Variants in TBC1D14 observed in about 807,000 individuals in gnomAD.
The protein encoded by TBC1D14 is TBC1 domain family member 14.
In TBC1D14, 26 loss-of-function variants were observed where a neutral mutation model predicts 79.0. That is an observed-to-expected ratio of 0.33 (90% confidence interval 0.24 to 0.46). The LOEUF is 0.46. Ranked by LOEUF, TBC1D14 falls within the 20% of genes least tolerant of loss-of-function variation. The pLI, the probability that TBC1D14 is intolerant of heterozygous loss-of-function variation, is 1.00. For missense variants in TBC1D14, 769 were observed against 887.6 expected (o/e 0.87, Z 1.70); for synonymous variants, 394 against 349.9 (o/e 1.13, Z -1.40).
chr4:6,915,294 G>A (rs1044029443), intron 1 of TBC1D14, among the ~76,000 whole-genome samples: 4 of 152,330 alleles, frequency 2.6e-5, no homozygotes, highest in East Asian at 1.9e-4. Flanking sequence ...GAGGCCTTGC[G>A]GAGAATGCTG....
At chr4:6,989,939 G>T (rs764908455) in intron 3 of TBC1D14, among the ~76,000 whole-genome samples, 2 of 152,202 alleles carry the variant, frequency 1.3e-5, no homozygotes, top group African/African-American at 2.4e-5. Context: ...CAGGGACTTC[G>T]AACAACTGTG....
chr4:6,938,638 C>T (rs1339969698), intron 2 of TBC1D14, among the ~76,000 whole-genome samples: 1 of 152,200 alleles, frequency 6.6e-6, no homozygotes, highest in Non-Finnish European at 1.5e-5. Flanking sequence ...CTCTGAGGAT[C>T]CACATCCCTA....
intron 3 of TBC1D14, among the ~76,000 whole-genome samples, chr4:6,967,776 T>C (rs901113913): frequency 2.6e-5 from 4 of 152,234 alleles, no homozygotes; most frequent in African/African-American, 7.2e-5. Context: ...ATAGTAAAGC[T>C]TTCTCCCGTG....
In TBC1D14 at chr4:6,934,016, T is replaced by A. The variant is rs374135182; in HGVS notation, c.722+9905T>A. On this transcript the variant is annotated intron_variant, in intron 2 of 13. Coordinates refer to ENST00000409757, the MANE Select transcript of TBC1D14 (RefSeq NM_020773.3). ...GCCAGTGGAAAATAGAGTTGCCAAG[T>A]TGGAGTGAAGATGAGGGGTGGAGTT... 2.0e-5 allele frequency among the ~76,000 whole-genome samples: 3 copies of A among 151,996 alleles called. No individual in the cohort carries two copies. In the East Asian group the frequency reaches 5.8e-4, roughly 29 times the overall value.
chr4:7,025,206 C>T lies in TBC1D14; in HGVS notation c.1960C>T (p.Leu654=). The T allele has an allele frequency of 6.2e-7, 1 of 1,614,228 alleles. No individual in the cohort carries two copies. The highest frequency in any genetic ancestry group is 8.5e-7 in the Non-Finnish European group (1 of 1,180,042). Residue 654 remains leucine (L), a synonymous_variant, in exon 13 of 14, where the codon CTG becomes TTG. Coordinates refer to ENST00000409757, the MANE Select transcript of TBC1D14 (RefSeq NM_020773.3). ...RLPEDLPAEE[L]FASIATIQMQ... is the part of the protein sequence containing the mutation. ...GCCCGAGGACCTGCCCGCCGAGGAG[C>T]TGTTTGCCTCCATCGCCACGATCCA...
rs538085725 is a variant in TBC1D14 at position 6,960,800 on chromosome 4, G to A, written c.723-6504G>A. 5.8e-4 allele frequency among the ~76,000 whole-genome samples: 88 copies of A among 152,288 alleles called. No homozygotes were observed. In the East Asian group the frequency reaches 0.014, roughly 24 times the overall value. On this transcript the variant is annotated intron_variant, in intron 2 of 13. Transcript: ENST00000409757. ...GTTTGCTGTTTTCAGCCCCCGCTGC[G>A]TCTCTTCAGATGTTGCCCTTCCAGC...
At chr4:6,937,164 G>A (rs972748752) in intron 2 of TBC1D14, among the ~76,000 whole-genome samples, 24 of 152,206 alleles carry the variant, frequency 1.6e-4, no homozygotes, top group African/African-American at 3.1e-4. Flanking sequence ...TGATCTGCCC[G>A]CCACAACCTC....
chr4:6,998,886 C>G, intron 5 of TBC1D14, 199 bp from the exon 6 acceptor site: 1 of 563,276 alleles, frequency 1.8e-6, no homozygotes. Context: ...AGATGTTAGA[C>G]TTTGCAAGCT....
chr4:6,972,919 A>G (rs1716344924), intron 3 of TBC1D14, among the ~76,000 whole-genome samples: 1 of 152,132 alleles, frequency 6.6e-6, no homozygotes, highest in Non-Finnish European at 1.5e-5. Context: ...ATACGTGGGG[A>G]TGCTTTACAA....
At chr4:7,008,036 C>A (rs75680521) in intron 9 of TBC1D14, among the ~76,000 whole-genome samples, 4,573 of 152,296 alleles carry the variant, frequency 0.03, 238 homozygotes, top group African/African-American at 0.11. Context: ...TCTTTTTGAG[C>A]CTTAGTTTGT....
chr4:7,028,273 A>G (rs1349930461), intron 13 of TBC1D14, among the ~76,000 whole-genome samples: 1 of 152,094 alleles, frequency 6.6e-6, no homozygotes, highest in South Asian at 2.1e-4. Flanking sequence ...AGCCATTTTG[A>G]TCCTTGCATA....
intron 1 of TBC1D14, among the ~76,000 whole-genome samples, chr4:6,922,058 G>C (rs1723909925): frequency 6.6e-6 from 1 of 151,994 alleles, no homozygotes; most frequent in Admixed American, 6.6e-5. Flanking sequence ...TTGTTTGTTT[G>C]TTTGTTTTTT....
Position 6,963,580 on chromosome 4 carries a change from C to T in TBC1D14, c.723-3724C>T, listed in dbSNP as rs895144074. On this transcript the variant is annotated intron_variant, in intron 2 of 13. Transcript: ENST00000409757. The stretch of plus-strand genomic sequence containing the variant: ...CTTGGCCTCCCGGGCCCGGCCACAG[C>T]TACGCCAGGACTCCCGATGGCTTGC... Among the ~76,000 whole-genome samples the T allele has an allele frequency of 3.3e-5, 5 of 152,328 alleles. No homozygotes were observed. In the East Asian group the frequency reaches 9.6e-4, roughly 29 times the overall value.
chr4:7,025,889 G>C (rs1395688680), intron 13 of TBC1D14, among the ~76,000 whole-genome samples: 3 of 152,060 alleles, frequency 2.0e-5, no homozygotes, highest in African/African-American at 7.2e-5. Context: ...TGCATTTCCT[G>C]TTCCGAGTCT....
intron 1 of TBC1D14, among the ~76,000 whole-genome samples, chr4:6,916,813 A>G (rs1723436269): frequency 6.6e-6 from 1 of 152,264 alleles, no homozygotes; most frequent in South Asian, 2.1e-4. Context: ...TCACCATTTG[A>G]CTTGTGTTCA....
chr4:6,987,276 G>C (rs935033423), intron 3 of TBC1D14: 2 of 1,332,990 alleles, frequency 1.5e-6, no homozygotes, highest in Non-Finnish European at 1.9e-6. Flanking sequence ...CCGGGAGGGA[G>C]GGAGGGAGGC....
chr4:6,954,453 A>C (rs1714433564), intron 2 of TBC1D14: 4 of 709,490 alleles, frequency 5.6e-6, no homozygotes, highest in African/African-American at 1.8e-5. Context: ...GGTTGGGCTG[A>C]GGTGTTTCTG....
intron 2 of TBC1D14, among the ~76,000 whole-genome samples, chr4:6,960,594 C>T (rs1715103459): frequency 6.6e-6 from 1 of 152,154 alleles, no homozygotes; most frequent in South Asian, 2.1e-4. Context: ...GTGAGTGTAT[C>T]AGGAACTCTT....
intron 3 of TBC1D14, chr4:6,987,249 G>A: frequency 8.0e-7 from 1 of 1,250,758 alleles, no homozygotes; most frequent in Non-Finnish European, 1.0e-6. Flanking sequence ...CGCCGCGTCC[G>A]CCCGCCCGCC....
Sources: allele counts gnomAD v4.1 joint callset (sites outside exome capture counted in the v4.1 genomes callset), GRCh38; gene constraint gnomAD v4.1.1; transcripts MANE v1.5; gene names NCBI Gene and HGNC (gene_info 2026-07-23, HGNC 2026-07-21).